ARHGAP39: variants seen among roughly 807,000 people sequenced by gnomAD.
ARHGAP39 encodes rho GTPase-activating protein 39.
ARHGAP39 carries 44 observed loss-of-function variants against 106.9 expected under a neutral mutation model. The ratio of observed to expected loss-of-function variants is 0.41; its 90% CI spans 0.32 to 0.53. The LOEUF is 0.53. Ranked by LOEUF, ARHGAP39 falls within the 20% of genes least tolerant of loss-of-function variation. The probability of loss-of-function intolerance (pLI) is 0.21; values close to 1 mark genes in which losing one functional copy is unlikely to be tolerated. For missense variants in ARHGAP39, 1,496 were observed against 1,577.3 expected, an observed-to-expected ratio of 0.95 and a Z score of 0.87; for synonymous variants, 768 against 693.2, an observed-to-expected ratio of 1.11 and a Z score of -1.69.
At chr8:144,653,987 C>T (rs1330659538) in intron 1 of ARHGAP39, among the ~76,000 whole-genome samples, 1 of 152,200 alleles carries the variant, frequency 6.6e-6, no homozygotes, top group Non-Finnish European at 1.5e-5. Context: ...GCCGTCTGCA[C>T]GTGAGCACGG....
At chr8:144,623,359 C>T (rs1820852839) in intron 1 of ARHGAP39, among the ~76,000 whole-genome samples, 2 of 152,260 alleles carry the variant, frequency 1.3e-5, no homozygotes, top group South Asian at 4.1e-4. Context: ...TGTAAATGGA[C>T]CAATAGTCTA....
At chr8:144,663,998 C>T (rs993746350) in intron 1 of ARHGAP39, among the ~76,000 whole-genome samples, 2 of 152,030 alleles carry the variant, frequency 1.3e-5, no homozygotes, top group African/African-American at 2.4e-5. Context: ...GAAAGCCTGT[C>T]GCTACGAAAA....
chr8:144,584,604 A>G (rs1202892055), intron 2 of ARHGAP39, among the ~76,000 whole-genome samples: 1 of 152,152 alleles, frequency 6.6e-6, no homozygotes, highest in African/African-American at 2.4e-5. Context: ...CTCTACTAAA[A>G]ATACAAAAAT....
intron 2 of ARHGAP39, among the ~76,000 whole-genome samples, chr8:144,583,584 G>A (rs372549855): frequency 3.3e-5 from 5 of 152,184 alleles, no homozygotes; most frequent in Admixed American, 2.6e-4. Flanking sequence ...TTTAACCCAC[G>A]ACTTTGAGCA....
At chr8:144,678,980 G>A (rs1424439156) in intron 1 of ARHGAP39, among the ~76,000 whole-genome samples, 1 of 152,026 alleles carries the variant, frequency 6.6e-6, no homozygotes, top group Non-Finnish European at 1.5e-5. Context: ...GGGGGAACTG[G>A]CAAGAGGACC....
intron 2 of ARHGAP39, among the ~76,000 whole-genome samples, chr8:144,602,899 G>A (rs1443620324): frequency 3.0e-5 from 4 of 132,256 alleles, no homozygotes; most frequent in Admixed American, 1.6e-4. Flanking sequence ...GAGAGCTCAT[G>A]TACCTGTGTG....
chr8:144,653,983 T>C (rs570827869), intron 1 of ARHGAP39, among the ~76,000 whole-genome samples: 15 of 152,348 alleles, frequency 9.8e-5, no homozygotes, highest in Non-Finnish European at 2.1e-4. Flanking sequence ...CCGCGCCGTC[T>C]GCACGTGAGC....
chr8:144,531,323 GGA>G, intron 10 of ARHGAP39, among the ~76,000 whole-genome samples: 1 of 2,094 alleles, frequency 4.8e-4, no homozygotes. Flanking sequence ...CAGCAGGTGG[GGA>G]GTAGGCTAGA....
chr8:144,630,187 C>G (rs1380642202), intron 1 of ARHGAP39, among the ~76,000 whole-genome samples: 1 of 152,106 alleles, frequency 6.6e-6, no homozygotes. Flanking sequence ...CCAGCTAGGC[C>G]CCCACCCGGC....
At chr8:144,600,008 T>C (rs1317250864) in intron 2 of ARHGAP39, among the ~76,000 whole-genome samples, 2 of 152,254 alleles carry the variant, frequency 1.3e-5, no homozygotes, top group Non-Finnish European at 2.9e-5. Context: ...GCACCGTGTG[T>C]GCTCAGCATT....
chr8:144,674,701 T>C (rs1043890584), intron 1 of ARHGAP39, among the ~76,000 whole-genome samples: 1 of 152,192 alleles, frequency 6.6e-6, no homozygotes, highest in African/African-American at 2.4e-5. Flanking sequence ...CTATTTGTGC[T>C]GAGGGGCTCC....
At chr8:144,574,944 C>T (rs1213184159) in intron 3 of ARHGAP39, among the ~76,000 whole-genome samples, 1 of 152,322 alleles carries the variant, frequency 6.6e-6, no homozygotes, top group South Asian at 2.1e-4. Context: ...TACAGTTATA[C>T]ACATGCAGGC....
At chr8:144,537,630 A>T in intron 7 of ARHGAP39, 91 bp downstream of exon 7, 15 of 820,298 alleles carry the variant, frequency 1.8e-5, no homozygotes, top group Middle Eastern at 3.1e-4. Flanking sequence ...CCCCGCCCAG[A>T]AGCGGTTAGA....
chr8:144,628,137 T>A (rs930491250), intron 1 of ARHGAP39, among the ~76,000 whole-genome samples: 2 of 152,176 alleles, frequency 1.3e-5, no homozygotes, highest in African/African-American at 4.8e-5. Context: ...TGGCTGATGT[T>A]GGCCCCACAC....
chr8:144,637,525 G>A lies in ARHGAP39; in HGVS notation c.-81-31830C>T, dbSNP rs574744611. Among the ~76,000 whole-genome samples, 8 of 152,256 alleles carry A rather than the reference G, an allele frequency of 5.3e-5. No homozygotes were observed. The South Asian group carries it at 6.2e-4, about 12-fold the overall frequency. On this transcript the variant is annotated intron_variant, in intron 1 of 11. Coordinates refer to ENST00000377307, the MANE Select transcript of ARHGAP39 (RefSeq NM_025251.3). The stretch of plus-strand genomic sequence containing the variant: ...CTCAGGAGGTTGAGGCAGGAAAATC[G>A]CTTCAACCCGGGAGGCAGAGGTTGC...
the ARHGAP39 span, chr8:144,698,792 T>C: frequency 2.2e-6 from 1 of 455,288 alleles, no homozygotes; most frequent in Non-Finnish European, 4.4e-6. Flanking sequence ...GGGCATCTCC[T>C]TGTTGGCTTG....
the ARHGAP39 span, among the ~76,000 whole-genome samples, chr8:144,691,485 G>A: frequency 6.6e-6 from 1 of 152,098 alleles, no homozygotes; most frequent in Non-Finnish European, 1.5e-5. Context: ...TTTAATGATG[G>A]CCTTGCAAGG....
chr8:144,685,001 C>T (rs892363168), intron 1 of ARHGAP39, among the ~76,000 whole-genome samples: 5 of 152,226 alleles, frequency 3.3e-5, no homozygotes, highest in Non-Finnish European at 5.9e-5. Context: ...GGGCATCCAC[C>T]TTGTCCCCAC....
rs1278339695 is a variant in ARHGAP39, at chr8:144,646,393, C to T, written c.-82+39293G>A. Among the ~76,000 whole-genome samples, 2 of 152,140 alleles carry T rather than the reference C, an allele frequency of 1.3e-5. No homozygotes were observed. Among genetic ancestry groups the T allele is most frequent in the Non-Finnish European group, 2.9e-5 (2 of 68,020 alleles). ...AGTGAAACTTCGTAGCACATGCCTT[C>T]TTGGCTTCTGTTTGTTTTTAATCCT... is the stretch of plus-strand genomic sequence containing the variant. On this transcript the variant is annotated intron_variant, in intron 1 of 11. Transcript: ENST00000377307. The surrounding 1 kb of genome is among the most constrained non-coding windows in gnomAD (Gnocchi z 5.7).
Sources: gnomAD v4.1 joint callset for allele counts (sites outside exome capture counted in the v4.1 genomes callset) on GRCh38, gnomAD v4.1.1 for gene constraint, Gnocchi (gnomAD v3.1) non-coding constraint, MANE v1.5 for transcripts, NCBI Gene and HGNC (gene_info 2026-07-23, HGNC 2026-07-21) for gene names.